Variants in HERC1 observed in about 807,000 individuals in gnomAD.
HERC1 encodes probable E3 ubiquitin-protein ligase HERC1.
HERC1 carries 160 observed loss-of-function variants against 554.3 expected under a neutral mutation model. That is an observed-to-expected ratio of 0.29 (90% confidence interval 0.25 to 0.33). The LOEUF (loss-of-function observed/expected upper bound fraction) is 0.33, where lower values mean the gene tolerates loss of function less well. HERC1 is among the 10% of genes least tolerant of loss of function. HERC1 has a pLI of 1.00. For missense variants in HERC1, 4,919 were observed against 5,918.5 expected, an observed-to-expected ratio of 0.83 and a Z score of 5.54; for synonymous variants, 2,175 against 2,131.7, an observed-to-expected ratio of 1.02 and a Z score of -0.56.
In HERC1 at chr15:63,638,480, T is replaced by A; in HGVS notation, c.12024A>T (p.Gly4008=). The stretch of plus-strand genomic sequence containing the variant: ...CATTTCTTCCAGCTTCTGCCAGCTG[T>A]CCATGCCTACCAGCACCCCATAAGT... ...DVYLWGAGRH[G]QLAEAGRNVM... Residue 4008 remains glycine (G), a synonymous_variant, in exon 63 of 78, where the codon GGA becomes GGT. Coordinates refer to ENST00000443617, the MANE Select transcript of HERC1 (RefSeq NM_003922.4). The A allele has an allele frequency of 6.2e-7, 1 of 1,613,902 alleles. No homozygotes were observed. The highest frequency in any genetic ancestry group is 8.5e-7 in the Non-Finnish European group (1 of 1,179,804).
intron 40 of HERC1, among the ~76,000 whole-genome samples, chr15:63,668,018 G>A (rs2070727265): frequency 6.6e-6 from 1 of 152,172 alleles, no homozygotes; most frequent in African/African-American, 2.4e-5. Context: ...GGGGGTTGGT[G>A]CTGCAATCCC....
rs2071103737 is a variant in HERC1 at position 63,674,633 on chromosome 15, G to A, written c.7555C>T (p.Leu2519Phe). 1.2e-6 allele frequency: 2 copies of A among 1,613,388 alleles called. No homozygotes were observed. The highest frequency in any genetic ancestry group is 8.5e-7 in the Non-Finnish European group (1 of 1,179,652). ...TTACTACAGCCAAGAAGGGCACTAAGTGACTTCATAGCACCGAGGTAAAGA... is the reference window on the plus strand; with the variant it reads ...TTACTACAGCCAAGAAGGGCACTAAATGACTTCATAGCACCGAGGTAAAGA... ...SYLYLGAMKSLSALLGCSKYA... is the reference protein window; with the variant it reads ...SYLYLGAMKSFSALLGCSKYA... Residue 2519 changes from leucine (L) to phenylalanine (F), a missense_variant, in exon 38 of 78, where the codon CTT becomes TTT. Transcript: ENST00000443617.
At chr15:63,646,394 T>C (rs2069339976) in intron 55 of HERC1, among the ~76,000 whole-genome samples, 1 of 152,040 alleles carries the variant, frequency 6.6e-6, no homozygotes, top group Non-Finnish European at 1.5e-5. Flanking sequence ...CTTATCCATG[T>C]ATATCCATGG....
intron 12 of HERC1, among the ~76,000 whole-genome samples, chr15:63,741,023 T>C (rs2074779101): frequency 6.6e-6 from 1 of 152,038 alleles, no homozygotes; most frequent in Non-Finnish European, 1.5e-5. Context: ...TACATCTATG[T>C]TGTTTTTTTT....
intron 64 of HERC1, 123 bp downstream of exon 64, chr15:63,637,381 TA>T: frequency 1.3e-6 from 1 of 794,110 alleles, no homozygotes; most frequent in South Asian, 1.8e-5. Context: ...AATAAGGATT[TA>T]AATGTAAGTG....
intron 1 of HERC1, chr15:63,780,696 TG>T (rs1343444870): frequency 6.6e-6 from 1 of 151,514 alleles, no homozygotes; most frequent in Non-Finnish European, 1.5e-5. Flanking sequence ...CACTCCAGCC[TG>T]GGCAACACAA....
intron 3 of HERC1, among the ~76,000 whole-genome samples, chr15:63,761,851 AGAT>A (rs2142292413): frequency 6.6e-6 from 1 of 152,340 alleles, no homozygotes; most frequent in Non-Finnish European, 1.5e-5. Context: ...AAAAGGAAGA[AGAT>A]ATAAATGTAA....
In HERC1 at chr15:63,758,145, A is replaced by G. The variant is rs1363191010; in HGVS notation, c.1221+30T>C. 1 of 1,505,838 alleles carries G rather than the reference A, an allele frequency of 6.6e-7. No individual in the cohort carries two copies. Among genetic ancestry groups the G allele is most frequent in the Admixed American group, 1.7e-5 (1 of 57,882 alleles). 93.3% of individuals were successfully genotyped at this position (1,505,838 alleles called of 1,614,324 possible). On this transcript the variant is annotated intron_variant, in intron 4 of 77. Transcript: ENST00000443617. This position sits in a 1 kb window ranked among gnomAD's most constrained non-coding sequence, Gnocchi z 4.0. The stretch of plus-strand genomic sequence containing the variant: ...AGCATGAATATACACCAGATTATCT[A>G]CCAGTTTGTAAGCTATTTAGAAAAC...
rs980004389 is a variant in HERC1 at position 63,635,886 on chromosome 15, A to G, written c.12414+75T>C. The G allele has an allele frequency of 3.5e-6, 5 of 1,414,110 alleles. No homozygotes were observed. In the South Asian group the frequency reaches 3.8e-5, roughly 11 times the overall value. The allele number at this position is 1,414,110 out of a possible 1,614,324, so 87.6% of individuals were successfully genotyped here. The stretch of plus-strand genomic sequence containing the variant: ...ATATATTTTTACTATATTTTCTGTT[A>G]CCTAATTTTAAGAAACCTATTCAAC... On this transcript the variant is annotated intron_variant, in intron 65 of 77. Coordinates refer to ENST00000443617, the MANE Select transcript of HERC1 (RefSeq NM_003922.4).
In HERC1 at chr15:63,674,969, C is replaced by T; in HGVS notation, c.7219G>A (p.Gly2407Ser). Residue 2407 changes from glycine (G) to serine (S), a missense_variant, in exon 38 of 78, where the codon GGC becomes AGC. Around this residue, in one of 11 missense-constraint regions of HERC1, gnomAD observed 1,963 missense variants for 2,228.6 expected, o/e 0.88. Transcript: ENST00000443617. ...TCATGTCGTTTGGTGCTCTGTTTGCCCATGTCTTCATGAACGCCAGTGAGA... is the reference window on the plus strand; with the variant it reads ...TCATGTCGTTTGGTGCTCTGTTTGCTCATGTCTTCATGAACGCCAGTGAGA... Reference protein sequence around the residue: ...TYLTGVHEDMGKQSTKRHEKK... With the variant: ...TYLTGVHEDMSKQSTKRHEKK... The T allele has an allele frequency of 1.9e-6, 3 of 1,614,014 alleles. No individual in the cohort carries two copies. The highest frequency in any genetic ancestry group is 1.7e-6 in the Non-Finnish European group (2 of 1,179,884).
At chr15:63,743,156 T>C (rs1346374958) in intron 12 of HERC1, among the ~76,000 whole-genome samples, 1 of 152,104 alleles carries the variant, frequency 6.6e-6, no homozygotes, top group Non-Finnish European at 1.5e-5. Context: ...CTCTTTGACT[T>C]GCCCTTTGAG....
rs11852958 is a variant in HERC1 at position 63,705,180 on chromosome 15, T to A, written c.4636+1600A>T. On this transcript the variant is annotated intron_variant, in intron 25 of 77. Coordinates refer to ENST00000443617, the MANE Select transcript of HERC1 (RefSeq NM_003922.4). ...TGTATTCTTTTTTTTTGAGACAGGG[T>A]CTCACTGTTGTCACACAGGCTGGAG... Among the ~76,000 whole-genome samples, 715 of 151,336 alleles carry A rather than the reference T, an allele frequency of 4.7e-3. 10 individuals are homozygous for A. Among genetic ancestry groups the A allele is most frequent in the African/African-American group, 0.017 (687 of 41,258 alleles).
Position 63,656,261 on chromosome 15 carries a change from C to A in HERC1, c.9697G>T (p.Ala3233Ser), listed in dbSNP as rs960047252. The A allele has an allele frequency of 1.2e-6, 2 of 1,613,794 alleles. No homozygotes were observed. The highest frequency in any genetic ancestry group is 1.7e-6 in the Non-Finnish European group (2 of 1,179,854). The part of the protein sequence containing the change: ...RLMCLAAAGR[A>S]GLSTSPSAMA... ...GCAGAAGGGCTGGTGGAGAGGCCAG[C>A]TCTCCCTGCTGCTGCCAAGCACATT... The change falls in exon 49 of 78, where the codon GCT becomes TCT. Residue 3233 changes from alanine to serine, a missense_variant. By Grantham distance (99) the Ala-to-Ser change is moderately conservative. Transcript: ENST00000443617.
intron 1 of HERC1, among the ~76,000 whole-genome samples, chr15:63,826,797 AAAAAAAAAAAAAAAAAAATATATATAT>A (rs1231693710): frequency 4.2e-5 from 3 of 71,450 alleles, no homozygotes; most frequent in Admixed American, 1.7e-4. Flanking sequence ...AAAAAAAAAA[AAAAAAAAAAAAAAAAAAATATATATAT>A]ATATATATAT....
intron 72 of HERC1, 70 bp from the exon 73 acceptor site, chr15:63,623,960 C>G (rs570586799): frequency 6.6e-7 from 1 of 1,508,492 alleles, no homozygotes; most frequent in South Asian, 1.2e-5. Flanking sequence ...ATGATATCTT[C>G]CCATCAGTGA....
In HERC1 at chr15:63,654,243, T is replaced by C; in HGVS notation, c.10166A>G (p.Gln3389Arg). The stretch of plus-strand genomic sequence containing the variant: ...TGCAGCAAGAGTGCGCACGAGTTGC[T>C]GAGCTGCCCATTGCCGATGCTGTGA... ...LSSQHRQWAA[Q>R]QLVRTLAAHD... Residue 3389 changes from glutamine (Q) to arginine (R), a missense_variant, in exon 51 of 78, where the codon CAG (glutamine) becomes CGG (arginine). By Grantham distance (43) the Gln-to-Arg change is conservative. Coordinates refer to ENST00000443617, the MANE Select transcript of HERC1 (RefSeq NM_003922.4). 1 of 1,614,022 alleles carries C rather than the reference T, an allele frequency of 6.2e-7. No individual in the cohort carries two copies. The highest frequency in any genetic ancestry group is 2.2e-5 in the East Asian group (1 of 44,864).
chr15:63,699,118 A>G, intron 25 of HERC1, 122 bp from the exon 26 acceptor site: 1 of 822,944 alleles, frequency 1.2e-6, no homozygotes. Context: ...TCATGTTTGA[A>G]TACGCGCATG....
intron 76 of HERC1, 65 bp downstream of exon 76, chr15:63,615,703 A>G (rs879636250): frequency 2.4e-5 from 33 of 1,369,524 alleles, no homozygotes; most frequent in Non-Finnish European, 3.2e-5. Context: ...TGGCATACCC[A>G]GTCAGCTCTC....
At position 63,661,974 on chromosome 15, in the gene HERC1, C is replaced by A. The variant is rs756029989; in HGVS notation, c.8949G>T (p.Leu2983=). ...EDREEVVVCE[L]CECSVVSFNQ... ...TGAAGCTGACGACGCTGCATTCACACAGTTCACACACCACCACTTCTTCCC... is the reference window on the plus strand; with the variant it reads ...TGAAGCTGACGACGCTGCATTCACAAAGTTCACACACCACCACTTCTTCCC... Residue 2983 remains leucine, a synonymous_variant, in exon 45 of 78, where the codon CTG becomes CTT. Transcript: ENST00000443617. 6.2e-7 allele frequency: 1 copy of A among 1,613,876 alleles called. No homozygotes were observed. The highest frequency in any genetic ancestry group is 1.3e-5 in the African/African-American group (1 of 74,926).
Sources: allele counts gnomAD v4.1 joint callset (sites outside exome capture counted in the v4.1 genomes callset), GRCh38; gene constraint gnomAD v4.1.1; regional missense constraint gnomAD v4.1.1; non-coding constraint Gnocchi (gnomAD v3.1); transcripts MANE v1.5; gene names NCBI Gene and HGNC (gene_info 2026-07-23, HGNC 2026-07-21).